Variants in CBFA2T3 observed in about 807,000 individuals in gnomAD.
The protein encoded by CBFA2T3 is CBFA2/RUNX1 partner transcriptional co-repressor 3, also known as transcriptional corepressor CBFA2T3.
CBFA2T3 carries 31 observed loss-of-function variants against 58.6 expected under a neutral mutation model. That is an observed-to-expected ratio of 0.53 (90% CI 0.40 to 0.71). CBFA2T3 has a LOEUF of 0.71. Ranked by LOEUF, CBFA2T3 falls within the 30% of genes least tolerant of loss-of-function variation. The pLI is 0.00. For missense variants in CBFA2T3, 1,076 were observed against 963.1 expected (o/e 1.12, Z -1.55); for synonymous variants, 531 against 421.9 (o/e 1.26, Z -3.17).
intron 5 of CBFA2T3, among the ~76,000 whole-genome samples, chr16:88,887,900 A>G (rs1969446502): frequency 6.6e-6 from 1 of 152,176 alleles, no homozygotes; most frequent in Non-Finnish European, 1.5e-5. Flanking sequence ...TGGCTGAGGC[A>G]CTAGTTGAGC....
intron 1 of CBFA2T3, among the ~76,000 whole-genome samples, chr16:88,971,887 G>A (rs1052138146): frequency 2.0e-5 from 3 of 152,178 alleles, no homozygotes; most frequent in South Asian, 2.1e-4. Flanking sequence ...TGAAAGTGCC[G>A]GAAAACCCCT....
chr16:88,922,431 C>T (rs1333979863), intron 1 of CBFA2T3, among the ~76,000 whole-genome samples: 2 of 152,244 alleles, frequency 1.3e-5, no homozygotes, highest in Non-Finnish European at 2.9e-5. Context: ...CCCCGGGCAC[C>T]AGCGTGGGCG....
At chr16:88,892,064 G>C in intron 4 of CBFA2T3, 93 bp from the exon 5 acceptor site, 7 of 1,380,018 alleles carry the variant, frequency 5.1e-6, no homozygotes, top group Non-Finnish European at 7.1e-6. Context: ...TTCCGTGTTG[G>C]AGGCAGGCAG....
At chr16:88,907,955 T>C (rs145433162) in intron 1 of CBFA2T3, among the ~76,000 whole-genome samples, 1,744 of 152,284 alleles carry the variant, frequency 0.011, 37 homozygotes, top group African/African-American at 0.04. Context: ...ACTGGTCAGA[T>C]GTCTAAAGGA....
chr16:88,932,972 G>GAA (rs11358628), intron 1 of CBFA2T3, among the ~76,000 whole-genome samples: 2 of 151,590 alleles, frequency 1.3e-5, no homozygotes, highest in African/African-American at 4.8e-5. Context: ...GTGTCTGGGG[G>GAA]AAAAAAAGAA....
At chr16:88,905,250 C>T (rs117781438) in intron 1 of CBFA2T3, among the ~76,000 whole-genome samples, 2,235 of 152,204 alleles carry the variant, frequency 0.015, 21 homozygotes, top group Non-Finnish European at 0.023. Flanking sequence ...TTCCACTGTA[C>T]ATGGGGCTTC....
intron 1 of CBFA2T3, among the ~76,000 whole-genome samples, chr16:88,924,927 C>T (rs1001966022): frequency 1.3e-5 from 2 of 152,246 alleles, no homozygotes; most frequent in South Asian, 4.1e-4. Context: ...CCACACTCCC[C>T]GCCACCACGT....
At chr16:88,955,100 T>C (rs1274281265) in intron 1 of CBFA2T3, among the ~76,000 whole-genome samples, 54 of 5,494 alleles carry the variant, frequency 9.8e-3, no homozygotes, top group Admixed American at 0.025. Flanking sequence ...GCTCCTGACC[T>C]CAGCCAAGAC....
chr16:88,877,789 G>T (rs890251555), intron 11 of CBFA2T3, among the ~76,000 whole-genome samples: 1 of 152,164 alleles, frequency 6.6e-6, no homozygotes, highest in Non-Finnish European at 1.5e-5. Flanking sequence ...GTGGGCAGAG[G>T]GGGTGGGGGA....
At chr16:88,937,075 A>G (rs898045233) in intron 1 of CBFA2T3, 2 of 152,220 alleles carry the variant, frequency 1.3e-5, no homozygotes, top group Admixed American at 1.3e-4. Flanking sequence ...CGGCCCTCCC[A>G]GGCCTGCCCG....
intron 1 of CBFA2T3, among the ~76,000 whole-genome samples, chr16:88,913,964 A>C (rs1025418866): frequency 6.6e-6 from 1 of 152,182 alleles, no homozygotes; most frequent in African/African-American, 2.4e-5. Context: ...ACCCACAGAC[A>C]CAGGTGCCTC....
chr16:88,953,118 T>C lies in CBFA2T3; in HGVS notation c.151+23539A>G, dbSNP rs1351454414. On this transcript the variant is annotated intron_variant, in intron 1 of 11. Transcript: ENST00000268679. The surrounding 1 kb of genome is among the most constrained non-coding windows in gnomAD (Gnocchi z 4.9). ...GTCTGCCGGTTAGATCGGCCCCCAGTCCTGCTGGCCCCAGCGATGACAGAG... is the reference window on the plus strand; with the variant it reads ...GTCTGCCGGTTAGATCGGCCCCCAGCCCTGCTGGCCCCAGCGATGACAGAG... Among the ~76,000 whole-genome samples the C allele has an allele frequency of 6.6e-6, 1 of 152,112 alleles. No individual in the cohort carries two copies. Among genetic ancestry groups the C allele is most frequent in the East Asian group, 1.9e-4 (1 of 5,182 alleles).
chr16:88,881,130 C>A, intron 9 of CBFA2T3, 161 bp downstream of exon 9: 2 of 768,840 alleles, frequency 2.6e-6, no homozygotes, highest in Non-Finnish European at 4.5e-6. Flanking sequence ...GGCTTCCTGG[C>A]AGACCAGCCC....
At chr16:88,966,413 G>A (rs562945445) in intron 1 of CBFA2T3, among the ~76,000 whole-genome samples, 83 of 151,778 alleles carry the variant, frequency 5.5e-4, no homozygotes, top group Admixed American at 2.2e-3. Context: ...AGACCTCCCG[G>A]CCCCTCTCCC....
chr16:88,955,783 CT>C, intron 1 of CBFA2T3, among the ~76,000 whole-genome samples: 1 of 45,518 alleles, frequency 2.2e-5, no homozygotes, highest in Non-Finnish European at 4.8e-5. Context: ...GGCTCCTGAC[CT>C]CAGCCAAGGC....
chr16:88,877,293 G>T lies in CBFA2T3; in HGVS notation c.1663-18C>A. On this transcript the variant is annotated intron_variant, in intron 11 of 11. Coordinates refer to ENST00000268679, the MANE Select transcript of CBFA2T3 (RefSeq NM_005187.6). ...CAGCAGCTCTGGGTGGGGGCAGAGG[G>T]GCCAGTCAGGGCTGGGTCTGGCCAC... The T allele has an allele frequency of 2.6e-6, 4 of 1,531,872 alleles. No homozygotes were observed. Among genetic ancestry groups the T allele is most frequent in the Non-Finnish European group, 3.5e-6 (4 of 1,137,930 alleles). 94.9% of individuals were successfully genotyped at this position (1,531,872 alleles called of 1,614,324 possible).
chr16:88,901,603 C>T lies in CBFA2T3; in HGVS notation c.205G>A (p.Val69Met), dbSNP rs1364620270. The T allele has an allele frequency of 4.6e-6, 7 of 1,519,598 alleles. No individual in the cohort carries two copies. Among genetic ancestry groups the T allele is most frequent in the Non-Finnish European group, 5.2e-6 (6 of 1,146,960 alleles). The allele number at this position is 1,519,598 out of a possible 1,614,324, so 94.1% of individuals were successfully genotyped here. A position where few individuals can be genotyped will look rare whatever the true frequency, so the allele number is the denominator to read the frequency against. Reference sequence around the variant, plus strand: ...GGTGTGGACCGGGGCTGCGTCTTCACCTCCGCTGGGGAGTCCGGCATCGCT... The same window carrying T: ...GGTGTGGACCGGGGCTGCGTCTTCATCTCCGCTGGGGAGTCCGGCATCGCT... Reference protein sequence around the residue: ...ASAMPDSPAEVKTQPRSTPPS... With the variant: ...ASAMPDSPAEMKTQPRSTPPS... Residue 69 changes from valine (V) to methionine (M), a missense_variant, in exon 2 of 12, where the codon GTG becomes ATG. Transcript: ENST00000268679.
At chr16:88,894,516 CACAT>C (rs1969799353) in intron 3 of CBFA2T3, among the ~76,000 whole-genome samples, 1 of 128,818 alleles carries the variant, frequency 7.8e-6, no homozygotes, top group Non-Finnish European at 1.6e-5. Context: ...CATGCACACA[CACAT>C]GCATACATAT....
chr16:88,875,667 AGAG>A lies in CBFA2T3; in HGVS notation c.*1306_*1308del, dbSNP rs975219138. ...CGGAGGGCGCGGAGAGGAGAGAGGTAGAGGAGGACGGGCTGGCCGAGAAGCAGT... is the reference window on the plus strand; with the variant it reads ...CGGAGGGCGCGGAGAGGAGAGAGGTAGAGGACGGGCTGGCCGAGAAGCAGT... On this transcript the variant is annotated 3_prime_UTR_variant, in exon 12 of 12. Coordinates refer to ENST00000268679, the MANE Select transcript of CBFA2T3 (RefSeq NM_005187.6). 7 of 233,504 alleles carry A rather than the reference AGAG, an allele frequency of 3.0e-5. No individual in the cohort carries two copies. The highest frequency in any genetic ancestry group is 5.9e-5 in the Non-Finnish European group (7 of 118,126). The allele number at this position is 233,504 out of a possible 1,614,324, so 14.5% of individuals were successfully genotyped here. A position where few individuals can be genotyped will look rare whatever the true frequency, so the allele number is the denominator to read the frequency against.
Sources: gnomAD v4.1 joint callset for allele counts (sites outside exome capture counted in the v4.1 genomes callset) on GRCh38, gnomAD v4.1.1 for gene constraint, Gnocchi (gnomAD v3.1) non-coding constraint, MANE v1.5 for transcripts, NCBI Gene and HGNC (gene_info 2026-07-23, HGNC 2026-07-21) for gene names.